The following CCT3 variants were observed in gnomAD, a reference collection of about 807,000 sequenced individuals.
The protein encoded by CCT3 is T-complex protein 1 subunit gamma.
Under a neutral mutation model 65.3 loss-of-function variants are expected in CCT3, and 10 were observed. The observed-to-expected ratio is 0.15, with a 90% confidence interval of 0.09 to 0.26. The LOEUF (loss-of-function observed/expected upper bound fraction) is 0.26. Ranked by LOEUF, CCT3 falls within the 10% of genes least tolerant of loss-of-function variation. CCT3 has a pLI of 1.00. For missense variants in CCT3, 626 were observed against 708.7 expected (o/e 0.88, Z 1.33); for synonymous variants, 225 against 242.3 (o/e 0.93, Z 0.66).
intron 7 of CCT3, among the ~76,000 whole-genome samples, chr1:156,320,033 G>A (rs1316985314): frequency 6.6e-6 from 1 of 152,128 alleles, no homozygotes; most frequent in Non-Finnish European, 1.5e-5. Flanking sequence ...AAAACTATTT[G>A]AAGAAATTCC....
intron 10 of CCT3, among the ~76,000 whole-genome samples, chr1:156,316,487 G>A (rs1664318142): frequency 1.3e-5 from 2 of 152,108 alleles, no homozygotes; most frequent in African/African-American, 4.8e-5. Context: ...TACCCTTTGG[G>A]GTATAAAAGT....
At chr1:156,337,474 G>T in intron 1 of CCT3, 1 of 175,356 alleles carries the variant, frequency 5.7e-6, no homozygotes, top group South Asian at 9.9e-5. Flanking sequence ...AGAAATCTGG[G>T]AAAACCCAAC....
chr1:156,323,755 G>A lies in CCT3; in HGVS notation c.422+1217C>T, dbSNP rs370108786. Among the ~76,000 whole-genome samples, 127 of 148,684 alleles carry A rather than the reference G, an allele frequency of 8.5e-4. 2 individuals carry two copies. In the Middle Eastern group the frequency reaches 0.015, roughly 18 times the overall value. ...GCTGGGATTACAGACGTGAGCCACC[G>A]CACCCAGCCCTATTTTTATTTTTTT... is the stretch of plus-strand genomic sequence containing the variant. On this transcript the variant is annotated intron_variant, in intron 6 of 13. Coordinates refer to ENST00000295688, the MANE Select transcript of CCT3 (RefSeq NM_005998.5).
chr1:156,313,350 G>GAA lies in CCT3; in HGVS notation c.975-1131_975-1130dup, dbSNP rs58926932. Among the ~76,000 whole-genome samples, 479 of 106,722 alleles carry GAA rather than the reference G, an allele frequency of 4.5e-3. 5 individuals are homozygous for GAA. Among genetic ancestry groups the GAA allele is most frequent in the African/African-American group, 0.013 (409 of 30,874 alleles). The allele number at this position is 106,722 out of a possible 152,430, so 70.0% of individuals were successfully genotyped here. ...TAAGATTCTGTCTCAAAAAAAAAAA[G>GAA]AAAAAAAAAAAAAGAGAGAGAGAGA... On this transcript the variant is annotated intron_variant, in intron 10 of 13. Transcript: ENST00000295688.
In CCT3 at chr1:156,317,501, T is replaced by C. The variant is rs374518487; in HGVS notation, c.806A>G (p.Gln269Arg). Residue 269 changes from glutamine to arginine, a missense_variant, in exon 9 of 14, where the codon CAG (glutamine) becomes CGG (arginine). By Grantham distance (43) the Gln-to-Arg change is conservative. Transcript: ENST00000295688. ...TREEDFTRIL[Q>R]MEEEYIQQLC... ...CTGCTGGATGTACTCTTCCTCCATCTGGAGAATTCGGGTGAAGTCCTCCTC... is the reference window on the plus strand; with the variant it reads ...CTGCTGGATGTACTCTTCCTCCATCCGGAGAATTCGGGTGAAGTCCTCCTC... 1.9e-6 allele frequency: 3 copies of C among 1,613,916 alleles called. No homozygotes were observed. The highest frequency in any genetic ancestry group is 2.5e-6 in the Non-Finnish European group (3 of 1,179,788).
At chr1:156,317,739 TGCTCTGTCACCCAG>T (rs1664368279) in intron 8 of CCT3, among the ~76,000 whole-genome samples, 192 bp from the exon 9 acceptor site, 1 of 151,706 alleles carries the variant, frequency 6.6e-6, no homozygotes, top group African/African-American at 2.4e-5. Flanking sequence ...GACGGAATCT[TGCTCTGTCACCCAG>T]GCTGGAGTGT....
chr1:156,312,569 G>A (rs539751758), intron 10 of CCT3, among the ~76,000 whole-genome samples: 2 of 151,746 alleles, frequency 1.3e-5, no homozygotes, highest in African/African-American at 4.8e-5. Flanking sequence ...TGAGGTGAGG[G>A]ATCCCTTGAA....
chr1:156,328,619 G>A (rs560784477), intron 5 of CCT3, among the ~76,000 whole-genome samples: 5 of 151,614 alleles, frequency 3.3e-5, no homozygotes, highest in South Asian at 2.1e-4. Context: ...GATTAAGGGC[G>A]GTGCAAGATG....
In CCT3 at chr1:156,317,454, G is replaced by C. The variant is rs944912116; in HGVS notation, c.853C>G (p.Leu285Val). The C allele has an allele frequency of 6.2e-7, 1 of 1,613,956 alleles. No homozygotes were observed. The highest frequency in any genetic ancestry group is 1.1e-5 in the South Asian group (1 of 91,076). Residue 285 changes from leucine (L) to valine (V), a missense_variant, in exon 9 of 14, where the codon CTG becomes GTG. Coordinates refer to ENST00000295688, the MANE Select transcript of CCT3 (RefSeq NM_005998.5). ...TCAGTGATGACCACATCGGGCTTCA[G>C]TTGGATAATGTCCTCACAGAGCTGC... The part of the protein sequence containing the change: ...IQQLCEDIIQ[L>V]KPDVVITEKG...
chr1:156,334,263 G>A (rs1018403471), intron 4 of CCT3, among the ~76,000 whole-genome samples: 1 of 150,770 alleles, frequency 6.6e-6, no homozygotes, highest in African/African-American at 2.4e-5. Context: ...AAAAAGATAT[G>A]TTGAAGTCAT....
Position 156,318,990 on chromosome 1 carries a change from A to G in CCT3, c.637T>C (p.Cys213Arg). The change falls in exon 8 of 14, where the codon TGT becomes CGT. Residue 213 changes from cysteine to arginine, a missense_variant. Coordinates refer to ENST00000295688, the MANE Select transcript of CCT3 (RefSeq NM_005998.5). ...KIPGGIIEDSCVLRGVMINKD... is the reference protein window; with the variant it reads ...KIPGGIIEDSRVLRGVMINKD... The stretch of plus-strand genomic sequence containing the variant: ...TTAATCATGACTCCACGCAAGACAC[A>G]GGAGTCTTCAATGATGCCTCCAGGT... 6.2e-7 allele frequency: 1 copy of G among 1,612,562 alleles called. No individual in the cohort carries two copies. The highest frequency in any genetic ancestry group is 2.2e-5 in the East Asian group (1 of 44,850).
intron 5 of CCT3, among the ~76,000 whole-genome samples, chr1:156,331,961 G>A (rs1215957091): frequency 6.6e-6 from 1 of 152,154 alleles, no homozygotes; most frequent in Admixed American, 6.5e-5. Flanking sequence ...GAACCCGAGA[G>A]GGGGAGGTTG....
Position 156,338,168 on chromosome 1 carries a change from G to A in CCT3, c.17C>T (p.Pro6Leu), listed in dbSNP as rs769975761. The change falls in exon 1 of 14, where the codon CCA becomes CTA. Residue 6 changes from proline (P) to leucine (L), a missense_variant. Physicochemically the swap from Pro to Leu is moderately conservative, Grantham distance 98. Transcript: ENST00000295688. MMGHR[P>L]VLVLSQNTKR... is the part of the protein sequence containing the mutation. ...CCAGAACTCACTGAGCACGAGCACT[G>A]GACGATGGCCCATCATGGCGACGCG... 8 of 1,589,144 alleles carry A rather than the reference G, an allele frequency of 5.0e-6. No individual in the cohort carries two copies. Among genetic ancestry groups the A allele is most frequent in the Non-Finnish European group, 6.8e-6 (8 of 1,169,580 alleles).
chr1:156,323,621 C>T (rs1449474905), intron 6 of CCT3, among the ~76,000 whole-genome samples: 2 of 151,802 alleles, frequency 1.3e-5, no homozygotes, highest in Non-Finnish European at 2.9e-5. Context: ...CCTGCCACCA[C>T]GCCCGGCTTA....
At position 156,338,213 on chromosome 1, in the gene CCT3, G is replaced by C. The variant is rs894460650; in HGVS notation, c.-29C>G. On this transcript the variant is annotated 5_prime_UTR_variant, in exon 1 of 14. Coordinates refer to ENST00000295688, the MANE Select transcript of CCT3 (RefSeq NM_005998.5). ...GACGCGATGCAGAGCCGGGTACCCA[G>C]AGCTGGGGGAACCGGCAGAACCTTC... The C allele has an allele frequency of 6.3e-7, 1 of 1,578,892 alleles. No individual in the cohort carries two copies. The highest frequency in any genetic ancestry group is 1.3e-5 in the African/African-American group (1 of 74,694).
intron 5 of CCT3, among the ~76,000 whole-genome samples, chr1:156,328,916 A>G (rs562449343): frequency 4.2e-4 from 64 of 152,352 alleles, no homozygotes; most frequent in African/African-American, 1.5e-3. Context: ...CAGTGTTTGA[A>G]TTCAATATAT....
chr1:156,319,653 C>T (rs1664466505), intron 7 of CCT3, among the ~76,000 whole-genome samples: 1 of 152,110 alleles, frequency 6.6e-6, no homozygotes, highest in South Asian at 2.1e-4. Context: ...AGGAGGATCC[C>T]TTGAGGCCGG....
chr1:156,334,259 A>G (rs1433089952), intron 4 of CCT3, among the ~76,000 whole-genome samples: 1 of 149,856 alleles, frequency 6.7e-6, no homozygotes, highest in Admixed American at 6.6e-5. Context: ...AAAAAAAAAG[A>G]TATGTTGAAG....
In CCT3 at chr1:156,336,169, A is replaced by G. The variant is rs1665342063; in HGVS notation, c.32-281T>C. 2.0e-5 allele frequency among the ~76,000 whole-genome samples: 3 copies of G among 152,210 alleles called. No homozygotes were observed. In the South Asian group the frequency reaches 6.2e-4, roughly 31 times the overall value. On this transcript the variant is annotated intron_variant, in intron 1 of 13. Coordinates refer to ENST00000295688, the MANE Select transcript of CCT3 (RefSeq NM_005998.5). ...GAATCTTGGTTAATACTTTTCTTCT[A>G]ACCAAATATTCCTATATTTACAGCA...
Sources: gnomAD v4.1 joint callset for allele counts (sites outside exome capture counted in the v4.1 genomes callset) on GRCh38, gnomAD v4.1.1 for gene constraint, MANE v1.5 for transcripts, NCBI Gene and HGNC (gene_info 2026-07-23, HGNC 2026-07-21) for gene names.